The following AKAP13 variants were observed in gnomAD, a reference collection of about 807,000 sequenced individuals.
AKAP13 encodes A-kinase anchor protein 13.
In AKAP13, 80 loss-of-function variants were observed where a neutral mutation model predicts 264.5. The ratio of observed to expected loss-of-function variants is 0.30; its 90% CI spans 0.25 to 0.36. The LOEUF (loss-of-function observed/expected upper bound fraction) is 0.36, where lower values mean the gene tolerates loss of function less well. AKAP13 is among the 10% of genes least tolerant of loss of function. AKAP13 has a pLI of 1.00. For synonymous variants in AKAP13, 1,380 were observed against 1,250.2 expected (o/e 1.10, Z -2.19); for missense variants, 3,712 against 3,435.2 (o/e 1.08, Z -2.01).
At chr15:85,552,018 C>CT (rs2077975786) in intron 5 of AKAP13, among the ~76,000 whole-genome samples, 1 of 152,124 alleles carries the variant, frequency 6.6e-6, no homozygotes, top group Non-Finnish European at 1.5e-5. Context: ...AAGAAAAAAA[C>CT]TAGGTGTGTT....
At chr15:85,437,082 TAAAGAAAA>T (rs1255497525) in intron 1 of AKAP13, among the ~76,000 whole-genome samples, 2 of 141,524 alleles carry the variant, frequency 1.4e-5, no homozygotes, top group Non-Finnish European at 3.1e-5. Context: ...GCAAGACTAA[TAAAGAAAA>T]AAAGAGAGAA....
At chr15:85,551,310 G>T (rs537186846) in intron 5 of AKAP13, among the ~76,000 whole-genome samples, 3 of 152,290 alleles carry the variant, frequency 2.0e-5, no homozygotes, top group African/African-American at 7.2e-5. Context: ...AGATAATATT[G>T]TACTTATAGA....
In AKAP13 at chr15:85,438,505, G is replaced by A. The variant is rs1353931821; in HGVS notation, c.-11-47205G>A. On this transcript the variant is annotated intron_variant, in intron 1 of 36. Coordinates refer to ENST00000394518, the MANE Select transcript of AKAP13 (RefSeq NM_007200.5). ...ATGGAACCAAAAAAGAGCCTGCATC[G>A]CCAAGTCAATCCTAAGCCAAAAGAA... Among the ~76,000 whole-genome samples the A allele has an allele frequency of 3.0e-4, 45 of 148,820 alleles. 1 individual carries two copies. In the East Asian group the frequency reaches 5.4e-3, roughly 18 times the overall value.
chr15:85,526,090 C>CT lies in AKAP13; in HGVS notation c.181+4520dup, dbSNP rs35067148. 8.8e-3 allele frequency among the ~76,000 whole-genome samples: 1,345 copies of CT among 152,144 alleles called. 31 individuals are homozygous for CT. The highest frequency in any genetic ancestry group is 0.027 in the African/African-American group (1,139 of 41,508). On this transcript the variant is annotated intron_variant, in intron 3 of 36. Transcript: ENST00000394518. ...CTCAGCTCTGTTATATTTTCCTTTT[C>CT]TTTTTCACTGATAAGGGAGGGTACT...
At chr15:85,609,951 C>T (rs771904887) in intron 8 of AKAP13, among the ~76,000 whole-genome samples, 1 of 152,196 alleles carries the variant, frequency 6.6e-6, no homozygotes, top group African/African-American at 2.4e-5. Flanking sequence ...ACTACCTACC[C>T]AAGCTGTCTT....
chr15:85,517,134 G>A (rs1261725932), intron 2 of AKAP13, among the ~76,000 whole-genome samples: 4 of 152,096 alleles, frequency 2.6e-5, no homozygotes, highest in African/African-American at 9.7e-5. Flanking sequence ...TGCTGACTGG[G>A]CCCACCTTTG....
At chr15:85,411,914 A>G (rs1256505559) in intron 1 of AKAP13, among the ~76,000 whole-genome samples, 1 of 152,242 alleles carries the variant, frequency 6.6e-6, no homozygotes, top group Non-Finnish European at 1.5e-5. Context: ...TTGCAAGTGA[A>G]AATCAGAAGT....
In AKAP13 at chr15:85,585,695, C is replaced by CTT; in HGVS notation, c.4040-5_4040-4dup. ...AAATGTACTCTGTAACCCCCCTGCA[C>CTT]TTTCAGAAATGCCAGACGTGAAAGC... On this transcript the variant is annotated splice_region_variant and splice_polypyrimidine_tract_variant and intron_variant, in intron 7 of 36. Coordinates refer to ENST00000394518, the MANE Select transcript of AKAP13 (RefSeq NM_007200.5). 6.2e-7 allele frequency: 1 copy of CTT among 1,614,104 alleles called. No homozygotes were observed. The highest frequency in any genetic ancestry group is 8.5e-7 in the Non-Finnish European group (1 of 1,179,960).
chr15:85,437,267 C>T (rs1414355402), intron 1 of AKAP13, among the ~76,000 whole-genome samples: 1 of 150,380 alleles, frequency 6.6e-6, no homozygotes, highest in Non-Finnish European at 1.5e-5. Context: ...AAGACTAAAC[C>T]AGGAAGAAGT....
intron 1 of AKAP13, among the ~76,000 whole-genome samples, chr15:85,389,181 T>G (rs576657267): frequency 6.6e-6 from 1 of 152,210 alleles, no homozygotes; most frequent in African/African-American, 2.4e-5. Context: ...GTGAGACTCA[T>G]GGGGCCTCTA....
At chr15:85,598,309 G>T (rs1018872901) in intron 8 of AKAP13, among the ~76,000 whole-genome samples, 1 of 152,134 alleles carries the variant, frequency 6.6e-6, no homozygotes, top group Admixed American at 6.5e-5. Context: ...AAGCATCAGA[G>T]CCTGTGTAGT....
chr15:85,730,668 C>G lies in AKAP13; in HGVS notation c.7243C>G (p.Leu2415Val). Residue 2415 changes from leucine to valine, a missense_variant, in exon 30 of 37, where the codon CTC (leucine) becomes GTC (valine). Coordinates refer to ENST00000394518, the MANE Select transcript of AKAP13 (RefSeq NM_007200.5). ...VLFRSNTEEA[L>V]KGGPLMKSAI... ...CTTCCGCTCCAACACAGAAGAGGCTCTCAAAGGAGGACCTTTAATGAAAAG... is the reference window on the plus strand; with the variant it reads ...CTTCCGCTCCAACACAGAAGAGGCTGTCAAAGGAGGACCTTTAATGAAAAG... 4 of 1,614,036 alleles carry G rather than the reference C, an allele frequency of 2.5e-6. No individual in the cohort carries two copies. The highest frequency in any genetic ancestry group is 3.4e-6 in the Non-Finnish European group (4 of 1,179,968).
chr15:85,465,166 A>G (rs1472059326), intron 1 of AKAP13, among the ~76,000 whole-genome samples: 2 of 145,456 alleles, frequency 1.4e-5, no homozygotes, highest in East Asian at 2.0e-4. Context: ...GTTAGCCAGG[A>G]TGGTCTCGAT....
intron 1 of AKAP13, among the ~76,000 whole-genome samples, chr15:85,444,870 A>G (rs2073846065): frequency 6.6e-6 from 1 of 152,174 alleles, no homozygotes; most frequent in African/African-American, 2.4e-5. Context: ...TTCTGTTACC[A>G]CAAAAGGAGT....
rs1341623949 is a variant in AKAP13 at position 85,741,027 on chromosome 15, C to T, written c.7609-19C>T. On this transcript the variant is annotated intron_variant, in intron 34 of 36. Coordinates refer to ENST00000394518, the MANE Select transcript of AKAP13 (RefSeq NM_007200.5). ...CGTCCTGGCCAGAGTTGCAGGGCTC[C>T]CCTCTGTGTGCCTCCCAGGGTGTGG... 6.3e-7 allele frequency: 1 copy of T among 1,588,200 alleles called. No individual in the cohort carries two copies. The highest frequency in any genetic ancestry group is 2.2e-5 in the East Asian group (1 of 44,650).
At chr15:85,619,609 G>A (rs1054298408) in intron 8 of AKAP13, 29 of 985,616 alleles carry the variant, frequency 2.9e-5, no homozygotes, top group South Asian at 9.4e-5. Flanking sequence ...CTTTGAAATA[G>A]CGTCGTCTTC....
At chr15:85,677,448 T>C (rs1039813369) in intron 14 of AKAP13, among the ~76,000 whole-genome samples, 3 of 152,174 alleles carry the variant, frequency 2.0e-5, no homozygotes, top group Non-Finnish European at 2.9e-5. Flanking sequence ...TATTTGACAA[T>C]GTAAATTTTA....
intron 1 of AKAP13, among the ~76,000 whole-genome samples, chr15:85,442,821 TA>T (rs2073757550): frequency 1.3e-5 from 2 of 151,972 alleles, no homozygotes; most frequent in African/African-American, 4.8e-5. Flanking sequence ...TCAGGCCTTT[TA>T]AAAAATATTT....
chr15:85,472,813 G>T (rs149533200), intron 1 of AKAP13, among the ~76,000 whole-genome samples: 1 of 152,330 alleles, frequency 6.6e-6, no homozygotes, highest in Non-Finnish European at 1.5e-5. Flanking sequence ...ATTTGTAGCT[G>T]TGTATGAAAA....
Sources: allele counts gnomAD v4.1 joint callset (sites outside exome capture counted in the v4.1 genomes callset), GRCh38; gene constraint gnomAD v4.1.1; transcripts MANE v1.5; gene names NCBI Gene and HGNC (gene_info 2026-07-23, HGNC 2026-07-21).